TEK: variants seen among roughly 807,000 people sequenced by gnomAD.
TEK encodes angiopoietin-1 receptor.
Under a neutral mutation model 131.8 loss-of-function variants are expected in TEK, and 43 were observed. That is an observed-to-expected ratio of 0.33 (90% CI 0.26 to 0.42). TEK has a LOEUF of 0.42. Ranked by LOEUF, TEK falls within the 10% of genes least tolerant of loss-of-function variation. The pLI is 1.00. For missense variants in TEK, 1,162 were observed against 1,384.4 expected (o/e 0.84, Z 2.55); for synonymous variants, 580 against 491.6 (o/e 1.18, Z -2.38).
At chr9:27,137,276 C>G (rs571537584) in intron 1 of TEK, among the ~76,000 whole-genome samples, 1 of 152,168 alleles carries the variant, frequency 6.6e-6, no homozygotes. Flanking sequence ...ATGCATTTCA[C>G]ATTGTGCTAT....
chr9:27,172,521 T>C (rs1823995507), intron 4 of TEK, 95 bp from the exon 5 acceptor site: 1 of 1,526,540 alleles, frequency 6.6e-7, no homozygotes, highest in Non-Finnish European at 9.0e-7. Context: ...TATTCACCAT[T>C]GTCCACTGAA....
intron 1 of TEK, among the ~76,000 whole-genome samples, chr9:27,142,980 C>T (rs1343875222): frequency 6.6e-6 from 1 of 152,216 alleles, no homozygotes; most frequent in East Asian, 1.9e-4. Flanking sequence ...TGAAACACTG[C>T]TATTGTGAAA....
chr9:27,203,219 C>A (rs374793006), intron 13 of TEK, 100 bp downstream of exon 13: 1 of 1,379,162 alleles, frequency 7.3e-7, no homozygotes, highest in Non-Finnish European at 1.0e-6. Flanking sequence ...TATGAAAAGT[C>A]GGTGGTTGAA....
rs1824747505 is a variant in TEK, at chr9:27,189,893, C to T, written c.1328-636C>T. Among the ~76,000 whole-genome samples the T allele has an allele frequency of 2.6e-5, 4 of 152,124 alleles. No homozygotes were observed. In the East Asian group the frequency reaches 7.7e-4, roughly 29 times the overall value. On this transcript the variant is annotated intron_variant, in intron 9 of 22. Coordinates refer to ENST00000380036, the MANE Select transcript of TEK (RefSeq NM_000459.5). ...ATATAGAGAGAGAATGAATTATGAT[C>T]TAGAAGAAAGACCAATATCAAATAA...
At chr9:27,213,402 T>G (rs1825704604) in intron 17 of TEK, 82 bp from the exon 18 acceptor site, 4 of 998,882 alleles carry the variant, frequency 4.0e-6, no homozygotes, top group Non-Finnish European at 6.3e-6. Context: ...TTTATACTAT[T>G]GTTTTCTTTC....
intron 1 of TEK, among the ~76,000 whole-genome samples, chr9:27,149,498 C>A (rs1823047077): frequency 6.6e-6 from 1 of 152,130 alleles, no homozygotes; most frequent in African/African-American, 2.4e-5. Flanking sequence ...AATCTCAGGC[C>A]TACTAGGAAG....
At chr9:27,206,512 C>A in intron 14 of TEK, 70 bp from the exon 15 acceptor site, 1 of 1,502,384 alleles carries the variant, frequency 6.7e-7, no homozygotes, top group Non-Finnish European at 9.1e-7. Flanking sequence ...GGATGCCAAC[C>A]AGAAGACATT....
chr9:27,212,687 G>A lies in TEK; in HGVS notation c.2687-20G>A. ...TGTTCAGGGCCACTGATGAGTCGAT[G>A]CTCTCTTCCTTCCCTCCAGGCTACT... is the stretch of plus-strand genomic sequence containing the variant. On this transcript the variant is annotated intron_variant, in intron 16 of 22. Transcript: ENST00000380036. 3 of 1,613,802 alleles carry A rather than the reference G, an allele frequency of 1.9e-6. No individual in the cohort carries two copies. Among genetic ancestry groups the A allele is most frequent in the Non-Finnish European group, 2.5e-6 (3 of 1,179,788 alleles).
rs1825511324 is a variant in TEK, at chr9:27,209,209, C to G, written c.2664C>G (p.Leu888=). 1.2e-6 allele frequency: 2 copies of G among 1,613,642 alleles called. No homozygotes were observed. The highest frequency in any genetic ancestry group is 1.7e-6 in the Non-Finnish European group (2 of 1,179,558). The change falls in exon 16 of 23, where the codon CTC becomes CTG. Residue 888 remains leucine, a synonymous_variant. Transcript: ENST00000380036. The part of the protein sequence containing the change: ...KLGHHPNIIN[L]LGACEHRGYL... ...GACACCATCCAAACATCATCAATCT[C>G]TTAGGAGCATGTGAACATCGAGGTA...
At chr9:27,124,478 G>A (rs1199631019) in intron 1 of TEK, among the ~76,000 whole-genome samples, 1 of 152,260 alleles carries the variant, frequency 6.6e-6, no homozygotes, top group African/African-American at 2.4e-5. Flanking sequence ...AAGTAAACAA[G>A]TGGGGCTTCT....
chr9:27,158,289 G>T (rs570969062), intron 2 of TEK, 147 bp downstream of exon 2: 3 of 928,890 alleles, frequency 3.2e-6, no homozygotes, highest in African/African-American at 3.3e-5. Context: ...ATGCATCACC[G>T]TGTCTGGTAC....
intron 21 of TEK, among the ~76,000 whole-genome samples, chr9:27,227,861 C>A (rs1826399804): frequency 6.6e-6 from 1 of 152,148 alleles, no homozygotes; most frequent in Admixed American, 6.5e-5. Context: ...TGGCATTTTA[C>A]AAGTTTGAGC....
chr9:27,128,980 C>G (rs551735254), intron 1 of TEK, among the ~76,000 whole-genome samples: 2 of 152,218 alleles, frequency 1.3e-5, no homozygotes, highest in East Asian at 3.9e-4. Context: ...TTTCTCTTGC[C>G]TGATTGCCCT....
At chr9:27,188,193 T>C (rs1317866812) in intron 9 of TEK, among the ~76,000 whole-genome samples, 1 of 152,152 alleles carries the variant, frequency 6.6e-6, no homozygotes, top group Non-Finnish European at 1.5e-5. Context: ...AGGCTACCTC[T>C]GGGTAGAGGA....
intron 8 of TEK, among the ~76,000 whole-genome samples, chr9:27,185,248 G>A (rs539708526): frequency 2.6e-5 from 4 of 152,016 alleles, no homozygotes; most frequent in South Asian, 4.2e-4. Flanking sequence ...TGTTTACCCC[G>A]TACTCCTAAA....
At chr9:27,210,006 C>G (rs145726825) in intron 16 of TEK, among the ~76,000 whole-genome samples, 1 of 152,286 alleles carries the variant, frequency 6.6e-6, no homozygotes, top group East Asian at 1.9e-4. Flanking sequence ...TAATTATTTA[C>G]AAACTTGACA....
intron 9 of TEK, among the ~76,000 whole-genome samples, chr9:27,189,838 G>C (rs1001033371): frequency 1.4e-5 from 2 of 144,510 alleles, no homozygotes; most frequent in Non-Finnish European, 3.0e-5. Flanking sequence ...ATAAATTTGA[G>C]TTGTTTGGCT....
chr9:27,220,256 C>T, intron 21 of TEK, 111 bp downstream of exon 21: 1 of 917,052 alleles, frequency 1.1e-6, no homozygotes, highest in Middle Eastern at 3.2e-4. Context: ...CAAACACCTA[C>T]ACACAGAGAT....
At chr9:27,111,974 C>G (rs1821365103) in intron 1 of TEK, among the ~76,000 whole-genome samples, 1 of 148,978 alleles carries the variant, frequency 6.7e-6, no homozygotes, top group Admixed American at 6.8e-5. Context: ...TCTCAGATCA[C>G]TGCAACCTCC....
Sources: gnomAD v4.1 joint callset for allele counts (sites outside exome capture counted in the v4.1 genomes callset) on GRCh38, gnomAD v4.1.1 for gene constraint, MANE v1.5 for transcripts, NCBI Gene and HGNC (gene_info 2026-07-23, HGNC 2026-07-21) for gene names.